The following MAP2K6 variants were observed in gnomAD, a reference collection of about 807,000 sequenced individuals.
The protein encoded by MAP2K6 is mitogen-activated protein kinase kinase 6, also known as dual specificity mitogen-activated protein kinase kinase 6.
Under a neutral mutation model 53.7 loss-of-function variants are expected in MAP2K6, and 16 were observed. The observed-to-expected ratio is 0.30, with a 90% confidence interval of 0.20 to 0.45. MAP2K6 has a LOEUF of 0.45. Among genes scored for constraint, MAP2K6 ranks in the 20% least tolerant of loss-of-function variants. The pLI is 1.00. For synonymous variants in MAP2K6, 132 were observed against 143.1 expected (o/e 0.92, Z 0.55); for missense variants, 204 against 411.9 (o/e 0.50, Z 4.37).
chr17:69,484,896 C>T (rs1908473287), intron 1 of MAP2K6, among the ~76,000 whole-genome samples: 1 of 151,848 alleles, frequency 6.6e-6, no homozygotes, highest in Non-Finnish European at 1.5e-5. Context: ...AGAAAGTAGG[C>T]TAGTAGTTGC....
chr17:69,449,903 G>A (rs1453342411), intron 1 of MAP2K6, among the ~76,000 whole-genome samples: 1 of 147,716 alleles, frequency 6.8e-6, no homozygotes, highest in African/African-American at 2.5e-5. Flanking sequence ...GTGAGCCACC[G>A]CGCCCGGCCT....
chr17:69,441,796 T>C (rs1490199945), intron 1 of MAP2K6, among the ~76,000 whole-genome samples: 1 of 152,190 alleles, frequency 6.6e-6, no homozygotes, highest in Non-Finnish European at 1.5e-5. Context: ...GCTGCCTCCT[T>C]ACTGCCAGGT....
intron 1 of MAP2K6, among the ~76,000 whole-genome samples, chr17:69,444,794 A>G (rs986104820): frequency 6.6e-6 from 1 of 152,198 alleles, no homozygotes; most frequent in Non-Finnish European, 1.5e-5. Flanking sequence ...ACCAAACATA[A>G]AAGGGAATGA....
At chr17:69,521,818 AAAAAAAAAAAAAAAAC>A (rs1394003108) in intron 7 of MAP2K6, 1 of 142,056 alleles carries the variant, frequency 7.0e-6, no homozygotes, top group African/African-American at 2.7e-5. Context: ...AAAAAAAAAA[AAAAAAAAAAAAAAAAC>A]CACCTTAGAA....
chr17:69,523,704 A>G, intron 8 of MAP2K6, 63 bp downstream of exon 8: 5 of 1,592,044 alleles, frequency 3.1e-6, no homozygotes, highest in Non-Finnish European at 4.3e-6. Flanking sequence ...GCTGGGAAAC[A>G]AGAAATGGAT....
chr17:69,490,056 A>G (rs1377140104), intron 1 of MAP2K6, among the ~76,000 whole-genome samples: 2 of 152,050 alleles, frequency 1.3e-5, no homozygotes, highest in South Asian at 2.1e-4. Context: ...GAATCTTGCC[A>G]TATATTTTCT....
At chr17:69,516,934 C>T (rs777591495) in intron 3 of MAP2K6, 31 bp downstream of exon 3, 13 of 1,511,092 alleles carry the variant, frequency 8.6e-6, no homozygotes, top group South Asian at 2.3e-5. Flanking sequence ...CCACCTAATA[C>T]GTTGGCCATT....
chr17:69,472,896 G>C (rs1236067098), intron 1 of MAP2K6, among the ~76,000 whole-genome samples: 1 of 152,082 alleles, frequency 6.6e-6, no homozygotes, highest in Admixed American at 6.6e-5. Flanking sequence ...CAGTAGAGAT[G>C]GGGTTTCACC....
chr17:69,506,484 C>T (rs1909487297), intron 2 of MAP2K6, among the ~76,000 whole-genome samples: 1 of 151,278 alleles, frequency 6.6e-6, no homozygotes, highest in Non-Finnish European at 1.5e-5. Flanking sequence ...GCTGGAGGTA[C>T]AACCACCTAC....
At chr17:69,468,853 A>G (rs905365424) in intron 1 of MAP2K6, among the ~76,000 whole-genome samples, 1 of 152,198 alleles carries the variant, frequency 6.6e-6, no homozygotes, top group Non-Finnish European at 1.5e-5. Flanking sequence ...AAAAACAACA[A>G]AAGGCGGGTT....
intron 1 of MAP2K6, among the ~76,000 whole-genome samples, chr17:69,458,601 T>C (rs1356334651): frequency 6.6e-6 from 1 of 152,218 alleles, no homozygotes; most frequent in African/African-American, 2.4e-5. Flanking sequence ...CCCATCTACC[T>C]TTCCAGTTTC....
chr17:69,473,379 G>C (rs1187478758), intron 1 of MAP2K6, among the ~76,000 whole-genome samples: 2 of 152,116 alleles, frequency 1.3e-5, no homozygotes, highest in Admixed American at 1.3e-4. Context: ...TTAATTTTAG[G>C]AGAAAATTCT....
At chr17:69,430,220 C>T (rs769019347) in intron 1 of MAP2K6, among the ~76,000 whole-genome samples, 6 of 152,106 alleles carry the variant, frequency 3.9e-5, no homozygotes, top group East Asian at 3.9e-4. Flanking sequence ...CCTGTAATCT[C>T]AGCTACTCGG....
At chr17:69,533,741 T>TG (rs1387566236) in intron 10 of MAP2K6, among the ~76,000 whole-genome samples, 1 of 151,958 alleles carries the variant, frequency 6.6e-6, no homozygotes, top group Non-Finnish European at 1.5e-5. Flanking sequence ...GTTTGTTTTT[T>TG]TTTTTTTTTT....
intron 1 of MAP2K6, among the ~76,000 whole-genome samples, chr17:69,491,332 C>T (rs991487041): frequency 2.5e-4 from 38 of 152,060 alleles, no homozygotes; most frequent in Admixed American, 1.7e-3. Context: ...TTAGTAGAGA[C>T]GTGGTTTCAC....
rs61758043 is a variant in MAP2K6 at position 69,517,897 on chromosome 17, A to C, written c.246+284A>C. Among the ~76,000 whole-genome samples, 140 of 152,250 alleles carry C rather than the reference A, an allele frequency of 9.2e-4. 1 individual carries two copies. Among genetic ancestry groups the C allele is most frequent in the African/African-American group, 3.4e-3 (140 of 41,546 alleles). On this transcript the variant is annotated intron_variant, in intron 4 of 11. Transcript: ENST00000590474. ...ACTACCATGTCATCATCACACTTAA[A>C]AATAATTAATGGCCCAGGTGTGGTG... is the stretch of plus-strand genomic sequence containing the variant.
chr17:69,482,111 G>T (rs925660959), intron 1 of MAP2K6, among the ~76,000 whole-genome samples: 1 of 152,074 alleles, frequency 6.6e-6, no homozygotes, highest in Non-Finnish European at 1.5e-5. Context: ...TTTAGGCAAA[G>T]AAATTGAGTC....
Position 69,552,342 on chromosome 17 carries a change from T to G in MAP2K6, c.*10589T>G, listed in dbSNP as rs1364340195. ...AAAACCCACCTCCAGCACTTCAAAGTAGTGTCTCTGGAGAGTTTAAAATAA... is the reference window on the plus strand; with the variant it reads ...AAAACCCACCTCCAGCACTTCAAAGGAGTGTCTCTGGAGAGTTTAAAATAA... On this transcript the variant is annotated 3_prime_UTR_variant, in exon 12 of 12. Transcript: ENST00000590474. 6.6e-6 allele frequency: 1 copy of G among 152,192 alleles called. No homozygotes were observed. Among genetic ancestry groups the G allele is most frequent in the African/African-American group, 2.4e-5 (1 of 41,430 alleles). 9.4% of individuals were successfully genotyped at this position (152,192 alleles called of 1,614,324 possible).
chr17:69,455,478 A>G (rs1203625515), intron 1 of MAP2K6, among the ~76,000 whole-genome samples: 1 of 152,134 alleles, frequency 6.6e-6, no homozygotes, highest in African/African-American at 2.4e-5. Context: ...CCTGAGTCTC[A>G]TTATTTTTAA....
Sources: gnomAD v4.1 joint callset for allele counts (sites outside exome capture counted in the v4.1 genomes callset) on GRCh38, gnomAD v4.1.1 for gene constraint, MANE v1.5 for transcripts, NCBI Gene and HGNC (gene_info 2026-07-23, HGNC 2026-07-21) for gene names.